The following COL19A1 variants were observed in gnomAD, a reference collection of about 807,000 sequenced individuals.
COL19A1 encodes the protein collagen alpha-1(XIX) chain.
A neutral mutation model predicts 190.2 loss-of-function variants in COL19A1; 159 were observed. That is an observed-to-expected ratio of 0.84 (90% CI 0.73 to 0.95). The LOEUF (loss-of-function observed/expected upper bound fraction) is 0.95, where lower values mean the gene tolerates loss of function less well. COL19A1 is among the 40% of genes least tolerant of loss of function. The pLI, the probability that COL19A1 is intolerant of heterozygous loss-of-function variation, is 0.00. For missense variants in COL19A1, 1,418 were observed against 1,431.9 expected, an observed-to-expected ratio of 0.99 and a Z score of 0.16; for synonymous variants, 509 against 458.9, an observed-to-expected ratio of 1.11 and a Z score of -1.39.
chr6:69,944,683 C>A (rs899831954), intron 9 of COL19A1, among the ~76,000 whole-genome samples: 7 of 151,928 alleles, frequency 4.6e-5, no homozygotes, highest in Admixed American at 2.6e-4. Flanking sequence ...TTTTATTTGC[C>A]TATTTTCTTA....
chr6:69,882,206 A>G (rs1234271538), intron 2 of COL19A1, among the ~76,000 whole-genome samples: 1 of 152,222 alleles, frequency 6.6e-6, no homozygotes, highest in African/African-American at 2.4e-5. Context: ...CACAGTTGGG[A>G]CAGAATTTAA....
chr6:70,139,374 C>T (rs914828358), intron 19 of COL19A1, among the ~76,000 whole-genome samples: 48 of 151,984 alleles, frequency 3.2e-4, no homozygotes, highest in Non-Finnish European at 3.7e-4. Context: ...CTTTCAAGGG[C>T]AGTCCATGTA....
At chr6:70,164,834 G>T (rs1043610110) in intron 36 of COL19A1, among the ~76,000 whole-genome samples, 3 of 152,170 alleles carry the variant, frequency 2.0e-5, no homozygotes, top group Admixed American at 6.5e-5. Flanking sequence ...AGCAGTTTGG[G>T]AAAAGAAACA....
intron 12 of COL19A1, 144 bp downstream of exon 12, chr6:70,023,824 G>T: frequency 1.5e-6 from 1 of 645,620 alleles, no homozygotes; most frequent in Non-Finnish European, 2.5e-6. Context: ...TCTTTCACAT[G>T]GCTCAGTAGA....
intron 4 of COL19A1, among the ~76,000 whole-genome samples, chr6:69,907,133 C>A (rs374796514): frequency 8.8e-5 from 11 of 125,708 alleles, no homozygotes; most frequent in Non-Finnish European, 1.6e-4. Flanking sequence ...TTTTTTGAGA[C>A]GGAGTCTCCA....
chr6:70,002,225 A>G (rs1777308732), intron 11 of COL19A1, among the ~76,000 whole-genome samples: 1 of 152,182 alleles, frequency 6.6e-6, no homozygotes, highest in East Asian at 1.9e-4. Context: ...CAACTTGATC[A>G]TGGTGGATAC....
Position 70,208,061 on chromosome 6 carries a change from TC to T in COL19A1, c.*791del, listed in dbSNP as rs984885214. 6.6e-6 allele frequency: 1 copy of T among 152,152 alleles called. No individual in the cohort carries two copies. Among genetic ancestry groups the T allele is most frequent in the African/African-American group, 2.4e-5 (1 of 41,430 alleles). The allele number at this position is 152,152 out of a possible 1,614,324, so 9.4% of individuals were successfully genotyped here. On this transcript the variant is annotated 3_prime_UTR_variant, in exon 51 of 51. Transcript: ENST00000620364. The stretch of plus-strand genomic sequence containing the variant: ...GCAAAAAAAGCCTAATATTCTGTGG[TC>T]CCCTCACTCAGTCTCTCATTTGGTA...
chr6:70,016,855 A>G (rs937114992), intron 11 of COL19A1, among the ~76,000 whole-genome samples: 1 of 152,078 alleles, frequency 6.6e-6, no homozygotes, highest in African/African-American at 2.4e-5. Flanking sequence ...AATCAAAAAG[A>G]TTGACAAAAT....
chr6:69,930,495 T>C (rs1336381363), intron 6 of COL19A1, among the ~76,000 whole-genome samples: 1 of 152,154 alleles, frequency 6.6e-6, no homozygotes, highest in Non-Finnish European at 1.5e-5. Context: ...TTCTATGTCC[T>C]GTGTCTCATT....
chr6:69,906,244 G>T (rs1770540739), intron 4 of COL19A1, among the ~76,000 whole-genome samples: 1 of 152,146 alleles, frequency 6.6e-6, no homozygotes, highest in African/African-American at 2.4e-5. Context: ...ACATGCTGTT[G>T]GTTCTGAAGG....
At chr6:69,895,765 T>C (rs1478631041) in intron 2 of COL19A1, among the ~76,000 whole-genome samples, 3 of 152,252 alleles carry the variant, frequency 2.0e-5, no homozygotes, top group African/African-American at 7.2e-5. Context: ...TTTAATATTA[T>C]ATCTGTGAGA....
chr6:70,151,947 T>C (rs1787088790), intron 31 of COL19A1, among the ~76,000 whole-genome samples: 1 of 152,064 alleles, frequency 6.6e-6, no homozygotes, highest in African/African-American at 2.4e-5. Flanking sequence ...ACAAGTGCCC[T>C]AATACCTGTT....
At chr6:70,061,420 G>C (rs3793044) in intron 14 of COL19A1, among the ~76,000 whole-genome samples, 18,704 of 151,828 alleles carry the variant, frequency 0.12, 1,535 homozygotes, top group African/African-American at 0.22. Flanking sequence ...CTTAGCAAAA[G>C]TGTGGAGGAG....
At position 70,145,017 on chromosome 6, in the gene COL19A1, A is replaced by G. The variant is rs1286747723; in HGVS notation, c.1770+10A>G. ...CCTGCCAGGGGAACCAGTAAGTATT[A>G]GCCCTTTTGTTAATATTTTTCTTGC... On this transcript the variant is annotated intron_variant, in intron 25 of 50. Coordinates refer to ENST00000620364, the MANE Select transcript of COL19A1 (RefSeq NM_001858.6). 1.3e-6 allele frequency: 2 copies of G among 1,542,468 alleles called. No individual in the cohort carries two copies.
At chr6:70,047,512 G>GA (rs1460256720) in intron 14 of COL19A1, among the ~76,000 whole-genome samples, 1 of 151,988 alleles carries the variant, frequency 6.6e-6, no homozygotes, top group Non-Finnish European at 1.5e-5. Context: ...CATGTTATTT[G>GA]AAAAATTGCA....
intron 30 of COL19A1, among the ~76,000 whole-genome samples, chr6:70,150,905 C>T (rs1406369924): frequency 1.3e-5 from 2 of 152,178 alleles, no homozygotes; most frequent in African/African-American, 4.8e-5. Context: ...CAAGTTCCTT[C>T]AGTGTTTGTC....
chr6:70,136,397 G>T (rs1421443501), intron 18 of COL19A1, among the ~76,000 whole-genome samples: 1 of 152,120 alleles, frequency 6.6e-6, no homozygotes, highest in Non-Finnish European at 1.5e-5. Context: ...AGTGCCCATC[G>T]GTGGGGCTGA....
chr6:69,890,052 T>C (rs544774644), intron 2 of COL19A1: 2 of 152,710 alleles, frequency 1.3e-5, no homozygotes, highest in East Asian at 3.9e-4. Flanking sequence ...CCTGGACACA[T>C]CGGAAGGAAC....
At chr6:70,069,082 G>C (rs1582832963) in intron 15 of COL19A1, among the ~76,000 whole-genome samples, 2 of 152,190 alleles carry the variant, frequency 1.3e-5, no homozygotes, top group African/African-American at 2.4e-5. Context: ...GTGTTTTACT[G>C]TTATTATTAT....
Sources: gnomAD v4.1 joint callset for allele counts (sites outside exome capture counted in the v4.1 genomes callset) on GRCh38, gnomAD v4.1.1 for gene constraint, MANE v1.5 for transcripts, NCBI Gene and HGNC (gene_info 2026-07-23, HGNC 2026-07-21) for gene names.